NPRL3: variants seen among roughly 807,000 people sequenced by gnomAD.
NPRL3 encodes the protein GATOR1 complex protein NPRL3.
A neutral mutation model predicts 57.2 loss-of-function variants in NPRL3; 23 were observed. The observed-to-expected ratio is 0.40, with a 90% CI of 0.29 to 0.57. The LOEUF (loss-of-function observed/expected upper bound fraction) is 0.57, where lower values mean the gene tolerates loss of function less well. NPRL3 is among the 20% of genes least tolerant of loss of function. The pLI is 0.42. For missense variants in NPRL3, 691 were observed against 767.1 expected, an observed-to-expected ratio of 0.90 and a Z score of 1.17; for synonymous variants, 333 against 321.1, an observed-to-expected ratio of 1.04 and a Z score of -0.39.
intron 5 of NPRL3, among the ~76,000 whole-genome samples, chr16:116,974 CAAA>C (rs34231279): frequency 3.3e-5 from 5 of 149,642 alleles, no homozygotes; most frequent in Non-Finnish European, 7.4e-5. Context: ...GATTCTGTCT[CAAA>C]AAAAAAAAAG....
Position 138,138 on chromosome 16 carries a change from G to C in NPRL3, c.118+12C>G. 1 of 1,582,920 alleles carries C rather than the reference G, an allele frequency of 6.3e-7. No homozygotes were observed. The highest frequency in any genetic ancestry group is 1.7e-4 in the Middle Eastern group (1 of 6,022). ...CCCGCGAGCGCCAGGCCCCCGCCCAGCGCTCACTTACTTGTCTGGGACGCC... is the reference window on the plus strand; with the variant it reads ...CCCGCGAGCGCCAGGCCCCCGCCCACCGCTCACTTACTTGTCTGGGACGCC... On this transcript the variant is annotated intron_variant, in intron 2 of 13. Transcript: ENST00000611875.
intron 12 of NPRL3, 73 bp from the exon 13 acceptor site, chr16:88,963 G>T: frequency 1.4e-6 from 2 of 1,402,904 alleles, no homozygotes; most frequent in South Asian, 2.5e-5. Context: ...GGCAGAGCCA[G>T]CAGCCAGCCT....
intron 2 of NPRL3, among the ~76,000 whole-genome samples, chr16:131,614 A>AAAG (rs1267093168): frequency 6.6e-6 from 1 of 151,410 alleles, no homozygotes; most frequent in East Asian, 1.9e-4. Flanking sequence ...AAAAAAAAAA[A>AAAG]AAAAACGCTA....
chr16:98,349 G>C lies in NPRL3; in HGVS notation c.768-48C>G. On this transcript the variant is annotated intron_variant, in intron 8 of 13. Transcript: ENST00000611875. ...GGAACACACGAAGTGCAGGAACCCT[G>C]CACCGGGTATGCACCAGGTCCTGCA... 4.4e-6 allele frequency: 7 copies of C among 1,592,408 alleles called. 1 individual carries two copies. The highest frequency in any genetic ancestry group is 6.0e-6 in the Non-Finnish European group (7 of 1,170,694).
At chr16:109,901 T>A (rs539379360) in intron 7 of NPRL3, among the ~76,000 whole-genome samples, 1 of 152,202 alleles carries the variant, frequency 6.6e-6, no homozygotes, top group Non-Finnish European at 1.5e-5. Context: ...TTGGGAAATA[T>A]AAGTCCTTAA....
chr16:132,836 A>T (rs868504462), intron 2 of NPRL3, among the ~76,000 whole-genome samples: 7 of 151,936 alleles, frequency 4.6e-5, no homozygotes, highest in African/African-American at 1.7e-4. Flanking sequence ...TGCCCGGCTA[A>T]TTTTTTGTAT....
intron 6 of NPRL3, among the ~76,000 whole-genome samples, chr16:110,919 C>A (rs1296929675): frequency 6.6e-6 from 1 of 152,026 alleles, no homozygotes; most frequent in South Asian, 2.1e-4. Flanking sequence ...GCCAAAAAGT[C>A]TTTTATTCAT....
chr16:126,944 T>G (rs1481595805), intron 3 of NPRL3: 3 of 152,144 alleles, frequency 2.0e-5, no homozygotes, highest in African/African-American at 7.2e-5. Context: ...GATCTTGGCT[T>G]GTGGCAATCT....
At chr16:106,578 G>A (rs1043912844) in intron 7 of NPRL3, among the ~76,000 whole-genome samples, 10 of 135,450 alleles carry the variant, frequency 7.4e-5, no homozygotes, top group African/African-American at 2.7e-4. Context: ...ATGTTGCAGT[G>A]AGCCAAGATT....
intron 3 of NPRL3, chr16:124,868 G>C (rs1480412711): frequency 6.6e-6 from 1 of 152,282 alleles, no homozygotes; most frequent in African/African-American, 2.4e-5. Context: ...CTTGAGGTCA[G>C]GAGTTCGAGA....
At chr16:127,397 G>C (rs1376869910) in intron 3 of NPRL3, among the ~76,000 whole-genome samples, 1 of 151,948 alleles carries the variant, frequency 6.6e-6, no homozygotes, top group Non-Finnish European at 1.5e-5. Context: ...CACCAACCCA[G>C]CTAATTTTTG....
At chr16:108,965 C>T (rs76383978) in intron 7 of NPRL3, among the ~76,000 whole-genome samples, 2,100 of 151,864 alleles carry the variant, frequency 0.014, 43 homozygotes, top group African/African-American at 0.048. Flanking sequence ...CCACCGCGCC[C>T]GGCCTTTTTT....
Position 138,110 on chromosome 16 carries a change from GC to G in NPRL3, c.118+39del, listed in dbSNP as rs769228954. ...AATGAGGCGACCCCGGAATGAGGCG[GC>G]CCCCGCGAGCGCCAGGCCCCCGCCC... On this transcript the variant is annotated intron_variant, in intron 2 of 13. Transcript: ENST00000611875. 2.0e-6 allele frequency: 3 copies of G among 1,494,974 alleles called. No individual in the cohort carries two copies. The East Asian group carries it at 7.3e-5, about 37-fold the overall frequency. The allele number at this position is 1,494,974 out of a possible 1,614,324, so 92.6% of individuals were successfully genotyped here.
chr16:106,853 G>A (rs1899553766), intron 7 of NPRL3, among the ~76,000 whole-genome samples: 1 of 152,084 alleles, frequency 6.6e-6, no homozygotes, highest in South Asian at 2.1e-4. Flanking sequence ...GCAGAAGAGT[G>A]AGCAGCAGCA....
At chr16:94,172 G>C (rs1898887048) in intron 9 of NPRL3, among the ~76,000 whole-genome samples, 1 of 151,950 alleles carries the variant, frequency 6.6e-6, no homozygotes, top group African/African-American at 2.4e-5. Context: ...CTCCCACAGA[G>C]ACCCCCCTCC....
intron 9 of NPRL3, among the ~76,000 whole-genome samples, chr16:95,405 A>AT: frequency 6.7e-6 from 1 of 150,184 alleles, no homozygotes. Context: ...ATATATACAG[A>AT]TAAAAAACCT....
At chr16:110,126 G>A (rs1277433402) in intron 7 of NPRL3, among the ~76,000 whole-genome samples, 6 of 152,124 alleles carry the variant, frequency 3.9e-5, no homozygotes, top group African/African-American at 9.7e-5. Flanking sequence ...ACAACTAGCC[G>A]GGTGTGGTGG....
At position 86,233 on chromosome 16, in the gene NPRL3, A is replaced by G; in HGVS notation, c.*472T>C. 5.5e-6 allele frequency: 1 copy of G among 181,436 alleles called. No individual in the cohort carries two copies. Among genetic ancestry groups the G allele is most frequent in the Non-Finnish European group, 1.2e-5 (1 of 86,852 alleles). 11.2% of individuals were successfully genotyped at this position (181,436 alleles called of 1,614,324 possible). ...CGCATGGCAGACAGAGGTGCTGGGGAGGGGGCCACAGGGCACTTCACAAAT... is the reference window on the plus strand; with the variant it reads ...CGCATGGCAGACAGAGGTGCTGGGGGGGGGGCCACAGGGCACTTCACAAAT... On this transcript the variant is annotated 3_prime_UTR_variant, in exon 14 of 14. Transcript: ENST00000611875.
At chr16:97,548 T>G (rs1899072071) in intron 9 of NPRL3, among the ~76,000 whole-genome samples, 1 of 150,348 alleles carries the variant, frequency 6.7e-6, no homozygotes. Context: ...CCTCCCACAC[T>G]CCAACCAGAT....
Sources: gnomAD v4.1 joint callset for allele counts (sites outside exome capture counted in the v4.1 genomes callset) on GRCh38, gnomAD v4.1.1 for gene constraint, MANE v1.5 for transcripts, NCBI Gene and HGNC (gene_info 2026-07-23, HGNC 2026-07-21) for gene names.